The following ZDHHC23 variants were observed in gnomAD, a reference collection of about 807,000 sequenced individuals.
ZDHHC23 encodes zDHHC palmitoyltransferase 23.
Under a neutral mutation model 40.2 loss-of-function variants are expected in ZDHHC23, and 41 were observed. That is an observed-to-expected ratio of 1.02 (90% CI 0.79 to 1.32). ZDHHC23 has a LOEUF of 1.32. ZDHHC23 is among the 40% of genes most tolerant of loss of function. The probability of loss-of-function intolerance (pLI) is 0.00; values close to 1 mark genes in which losing one functional copy is unlikely to be tolerated. For synonymous variants in ZDHHC23, 204 were observed against 210.2 expected, an observed-to-expected ratio of 0.97 and a Z score of 0.26; for missense variants, 471 against 541.5, an observed-to-expected ratio of 0.87 and a Z score of 1.29.
chr3:113,966,488 A>G (rs147527030), downstream of ZDHHC23, among the ~76,000 whole-genome samples: 765 of 152,310 alleles, frequency 5.0e-3, 1 homozygote, highest in Non-Finnish European at 7.6e-3. Flanking sequence ...GGTGGTGAGG[A>G]GCAGACCTTT....
At chr3:113,978,377 G>T in the ZDHHC23 span, 1 of 1,590,918 alleles carries the variant, frequency 6.3e-7, no homozygotes, top group South Asian at 1.1e-5. Flanking sequence ...AATATCAGTT[G>T]ACAAAGAATT....
the ZDHHC23 span, among the ~76,000 whole-genome samples, chr3:113,977,264 G>A: frequency 6.6e-6 from 1 of 151,996 alleles, no homozygotes; most frequent in African/African-American, 2.4e-5. Flanking sequence ...ACTTCAGCCC[G>A]GGCAACAGAG....
At chr3:113,971,990 T>C in the ZDHHC23 span, among the ~76,000 whole-genome samples, 75 of 152,174 alleles carry the variant, frequency 4.9e-4, no homozygotes, top group Non-Finnish European at 1.6e-4. Context: ...TAGTCTCTAG[T>C]GATTCTTTGT....
Position 113,959,779 on chromosome 3 carries a change from C to T in ZDHHC23, c.*1149C>T, listed in dbSNP as rs181092305. 22 of 1,067,610 alleles carry T rather than the reference C, an allele frequency of 2.1e-5. No individual in the cohort carries two copies. The East Asian group carries it at 1.3e-3, about 62-fold the overall frequency. 66.1% of individuals were successfully genotyped at this position (1,067,610 alleles called of 1,614,324 possible). ...CTTGCACATTAATTCTCAATTACCC[C>T]TCCCTAAATAACAGTATCTCACTAA... On this transcript the variant is annotated 3_prime_UTR_variant, in exon 5 of 5. Transcript: ENST00000638807.
chr3:113,961,045 T>C lies in ZDHHC23; in HGVS notation c.*2415T>C, dbSNP rs931547764. 1.6e-5 allele frequency: 5 copies of C among 310,232 alleles called. No individual in the cohort carries two copies. Among genetic ancestry groups the C allele is most frequent in the Admixed American group, 9.4e-5 (2 of 21,358 alleles). 19.2% of individuals were successfully genotyped at this position (310,232 alleles called of 1,614,324 possible). The stretch of plus-strand genomic sequence containing the variant: ...GGGGTTTCATTATAGGCCTTGGTTC[T>C]CTCCAGGGGCCAGATGAGTTTATTG... On this transcript the variant is annotated 3_prime_UTR_variant, in exon 5 of 5. Coordinates refer to ENST00000638807, the MANE Select transcript of ZDHHC23 (RefSeq NM_001320466.2).
downstream of ZDHHC23, among the ~76,000 whole-genome samples, chr3:113,965,919 G>C (rs2107541090): frequency 6.6e-6 from 1 of 151,994 alleles, no homozygotes; most frequent in South Asian, 2.1e-4. Context: ...TTGATTGAGT[G>C]GTGAAGGAAA....
At chr3:113,979,282 A>G in the ZDHHC23 span, among the ~76,000 whole-genome samples, 714 of 152,310 alleles carry the variant, frequency 4.7e-3, 7 homozygotes, top group African/African-American at 0.016. Context: ...CCTCTAAGCC[A>G]TTACTTCACT....
downstream of ZDHHC23, chr3:113,965,094 T>G: frequency 3.1e-5 from 30 of 953,092 alleles, no homozygotes; most frequent in Non-Finnish European, 4.2e-5. Flanking sequence ...TGTGGGTGGG[T>G]GGAGATAACA....
chr3:113,958,095 G>C (rs1472899177), intron 4 of ZDHHC23, among the ~76,000 whole-genome samples: 1 of 152,118 alleles, frequency 6.6e-6, no homozygotes, highest in Non-Finnish European at 1.5e-5. Context: ...AGCGTGCTGG[G>C]TGTGTGGAGG....
chr3:113,954,123 C>G lies in ZDHHC23; in HGVS notation c.585C>G (p.Leu195=). Residue 195 remains leucine (L), a synonymous_variant, in exon 3 of 5, where the codon CTC becomes CTG. Coordinates refer to ENST00000638807, the MANE Select transcript of ZDHHC23 (RefSeq NM_001320466.2). ...GAGCCAAGAAGAATCCAGGCTACCT[C>G]AGCAATCCAGCAAGCGGTGACAGAT... ...LHRAKKNPGY[L]SNPASGDRSL... 1 of 1,614,224 alleles carries G rather than the reference C, an allele frequency of 6.2e-7. No homozygotes were observed. The highest frequency in any genetic ancestry group is 8.5e-7 in the Non-Finnish European group (1 of 1,180,046).
chr3:113,956,641 G>C, intron 4 of ZDHHC23, 135 bp downstream of exon 4: 12 of 909,106 alleles, frequency 1.3e-5, no homozygotes, highest in Non-Finnish European at 1.9e-5. Flanking sequence ...GGTATCCCTG[G>C]AATTGCCAGC....
chr3:113,978,364 A>G, the ZDHHC23 span: 1 of 1,607,794 alleles, frequency 6.2e-7, no homozygotes. Context: ...AAGTGAGACA[A>G]AAAATATCAG....
At chr3:113,951,313 C>T (rs1280212652) in intron 2 of ZDHHC23, among the ~76,000 whole-genome samples, 1 of 152,174 alleles carries the variant, frequency 6.6e-6, no homozygotes, top group Non-Finnish European at 1.5e-5. Flanking sequence ...TCCTCTGCCT[C>T]GGTCCCGAGG....
downstream of ZDHHC23, among the ~76,000 whole-genome samples, chr3:113,966,390 C>T (rs78881740): frequency 4.6e-3 from 704 of 152,224 alleles, 6 homozygotes; most frequent in African/African-American, 0.016. Context: ...GTACCGTCTG[C>T]CCCGGGAGAG....
chr3:113,978,722 AAGCAGTG>A, the ZDHHC23 span: 218 of 892,312 alleles, frequency 2.4e-4, no homozygotes, highest in East Asian at 5.3e-3. Context: ...ATTTATTTCA[AAGCAGTG>A]AATGGGATTG....
chr3:113,960,244 AG>A lies in ZDHHC23; in HGVS notation c.*1615del. 1 of 1,006,778 alleles carries A rather than the reference AG, an allele frequency of 9.9e-7. No individual in the cohort carries two copies. The highest frequency in any genetic ancestry group is 1.1e-4 in the East Asian group (1 of 9,106). The allele number at this position is 1,006,778 out of a possible 1,614,324, so 62.4% of individuals were successfully genotyped here. On this transcript the variant is annotated 3_prime_UTR_variant, in exon 5 of 5. Transcript: ENST00000638807. ...TTGCCATTAATTGGAGCTGTCCTTA[AG>A]ATGGTCACCATATTCTTATTCAGGC... is the stretch of plus-strand genomic sequence containing the variant.
At position 113,960,449 on chromosome 3, in the gene ZDHHC23, A is replaced by C; in HGVS notation, c.*1819A>C. 7.4e-7 allele frequency: 1 copy of C among 1,358,884 alleles called. No homozygotes were observed. The highest frequency in any genetic ancestry group is 1.5e-5 in the African/African-American group (1 of 65,300). 84.2% of individuals were successfully genotyped at this position (1,358,884 alleles called of 1,614,324 possible). ...TTTCTTTCTATACAGGTTTTACATAAGAGAGACAGTAATAATGTCAAGGAT... is the reference window on the plus strand; with the variant it reads ...TTTCTTTCTATACAGGTTTTACATACGAGAGACAGTAATAATGTCAAGGAT... On this transcript the variant is annotated 3_prime_UTR_variant, in exon 5 of 5. Coordinates refer to ENST00000638807, the MANE Select transcript of ZDHHC23 (RefSeq NM_001320466.2).
At chr3:113,977,365 A>G in the ZDHHC23 span, among the ~76,000 whole-genome samples, 1 of 152,178 alleles carries the variant, frequency 6.6e-6, no homozygotes, top group Non-Finnish European at 1.5e-5. Context: ...CACCCGGCAC[A>G]CTAACTGATG....
chr3:113,966,901 C>A (rs139893038), downstream of ZDHHC23, among the ~76,000 whole-genome samples: 3,942 of 152,108 alleles, frequency 0.026, 89 homozygotes, highest in Non-Finnish European at 0.036. Context: ...GAGTTCAAGA[C>A]TAGCCTGGCC....
Sources: gnomAD v4.1 joint callset for allele counts (sites outside exome capture counted in the v4.1 genomes callset) on GRCh38, gnomAD v4.1.1 for gene constraint, MANE v1.5 for transcripts, NCBI Gene and HGNC (gene_info 2026-07-23, HGNC 2026-07-21) for gene names.